Variants in DLG2 observed in about 807,000 individuals in gnomAD.
DLG2 encodes the protein disks large homolog 2.
In DLG2, 45 loss-of-function variants were observed where a neutral mutation model predicts 132.5. That is an observed-to-expected ratio of 0.34 (90% CI 0.27 to 0.44). DLG2 has a LOEUF of 0.44. Ranked by LOEUF, DLG2 falls within the 20% of genes least tolerant of loss-of-function variation. The probability of loss-of-function intolerance (pLI) is 1.00; values close to 1 mark genes in which losing one functional copy is unlikely to be tolerated. For missense variants in DLG2, 1,045 were observed against 1,196.9 expected, an observed-to-expected ratio of 0.87 and a Z score of 1.87; for synonymous variants, 424 against 419.6, an observed-to-expected ratio of 1.01 and a Z score of -0.13.
rs114308811 is a variant in DLG2, at chr11:83,651,084, C to T, written c.1826-17759G>A. The stretch of plus-strand genomic sequence containing the variant: ...CTTTTATGTTTATTATACCTGTTTC[C>T]CCTGCCAGCCTAAAACTCTATGGAG... On this transcript the variant is annotated intron_variant, in intron 18 of 27. Transcript: ENST00000376104. Among the ~76,000 whole-genome samples, 647 of 151,874 alleles carry T rather than the reference C, an allele frequency of 4.3e-3. 5 individuals are homozygous for T. The highest frequency in any genetic ancestry group is 0.015 in the African/African-American group (627 of 41,370).
chr11:83,747,186 T>A (rs1164070785), intron 18 of DLG2, among the ~76,000 whole-genome samples: 3 of 152,182 alleles, frequency 2.0e-5, no homozygotes, highest in Non-Finnish European at 4.4e-5. Flanking sequence ...TCATACTTCA[T>A]GTGGAGAACT....
chr11:84,958,326 C>T (rs912997083), intron 6 of DLG2, among the ~76,000 whole-genome samples: 9 of 152,148 alleles, frequency 5.9e-5, no homozygotes, highest in Admixed American at 2.6e-4. Context: ...CCTCAAATTA[C>T]GTTCTATTGG....
rs2051424792 is a variant in DLG2, at chr11:83,823,399, G to A, written c.1722+10215C>T. 2.0e-5 allele frequency among the ~76,000 whole-genome samples: 3 copies of A among 152,228 alleles called. No homozygotes were observed. In the South Asian group the frequency reaches 6.2e-4, roughly 32 times the overall value. ...TAAACATATTTTAAATGATCATCAAGTATTTAGCATTTAATATGTAATAGA... is the reference window on the plus strand; with the variant it reads ...TAAACATATTTTAAATGATCATCAAATATTTAGCATTTAATATGTAATAGA... On this transcript the variant is annotated intron_variant, in intron 17 of 27. Transcript: ENST00000376104.
chr11:85,493,379 C>T lies in DLG2; in HGVS notation c.40+105278G>A, dbSNP rs1041356080. Among the ~76,000 whole-genome samples, 5 of 152,148 alleles carry T rather than the reference C, an allele frequency of 3.3e-5. No individual in the cohort carries two copies. The East Asian group carries it at 5.8e-4, about 18-fold the overall frequency. On this transcript the variant is annotated intron_variant, in intron 3 of 27. Coordinates refer to ENST00000376104, the MANE Select transcript of DLG2 (RefSeq NM_001142699.3). ...TCCAAGATCTTTTCAAGCCTTACTC[C>T]TCATTTCACTAAGTCTCTGCTTAAA... is the stretch of plus-strand genomic sequence containing the variant.
intron 6 of DLG2, among the ~76,000 whole-genome samples, chr11:84,843,088 G>C (rs988768926): frequency 1.3e-5 from 2 of 151,862 alleles, no homozygotes; most frequent in Non-Finnish European, 2.9e-5. Context: ...TAACCATATA[G>C]TATTGTGCAC....
intron 18 of DLG2, among the ~76,000 whole-genome samples, chr11:83,698,251 T>C (rs894399350): frequency 1.1e-4 from 17 of 152,208 alleles, no homozygotes; most frequent in African/African-American, 3.9e-4. Context: ...CTTTCCAAAA[T>C]TGGCTAAAAA....
At chr11:85,579,088 G>A (rs2078346086) in intron 3 of DLG2, among the ~76,000 whole-genome samples, 1 of 152,230 alleles carries the variant, frequency 6.6e-6, no homozygotes, top group Admixed American at 6.5e-5. Flanking sequence ...GCAGGAACAT[G>A]GATGGAGCAC....
intron 6 of DLG2, among the ~76,000 whole-genome samples, chr11:84,827,051 G>A (rs2078412725): frequency 6.6e-6 from 1 of 151,718 alleles, no homozygotes; most frequent in South Asian, 2.1e-4. Context: ...ACTGTGGTGT[G>A]GTACGGCCTC....
intron 7 of DLG2, among the ~76,000 whole-genome samples, chr11:84,483,397 C>T (rs2154493944): frequency 6.8e-6 from 1 of 146,538 alleles, no homozygotes; most frequent in South Asian, 2.2e-4. Flanking sequence ...TGCCATTGCA[C>T]TCCAGCCTGT....
intron 14 of DLG2, among the ~76,000 whole-genome samples, chr11:83,935,753 A>G (rs865786132): frequency 2.6e-5 from 4 of 152,196 alleles, no homozygotes. Context: ...TTTTCTGTTT[A>G]CCAGAAAAAT....
chr11:85,080,133 G>A (rs966817913), intron 6 of DLG2, among the ~76,000 whole-genome samples: 1 of 152,014 alleles, frequency 6.6e-6, no homozygotes, highest in Non-Finnish European at 1.5e-5. Context: ...AATCTCACAT[G>A]CCCACCTGTT....
intron 3 of DLG2, among the ~76,000 whole-genome samples, chr11:85,485,262 T>G (rs1191671565): frequency 2.0e-5 from 3 of 151,804 alleles, no homozygotes; most frequent in Non-Finnish European, 4.4e-5. Flanking sequence ...AGATGACGAG[T>G]TAGTGGGTGC....
chr11:83,628,862 G>A (rs2063077336), intron 19 of DLG2, among the ~76,000 whole-genome samples: 1 of 152,096 alleles, frequency 6.6e-6, no homozygotes, highest in African/African-American at 2.4e-5. Context: ...ATTAAATCAA[G>A]TTAATGAGCT....
intron 6 of DLG2, among the ~76,000 whole-genome samples, chr11:84,577,436 T>A (rs1319380143): frequency 6.6e-6 from 1 of 152,152 alleles, no homozygotes; most frequent in African/African-American, 2.4e-5. Flanking sequence ...GATAGATATA[T>A]GGACAATAAG....
intron 6 of DLG2, among the ~76,000 whole-genome samples, chr11:84,672,341 C>T (rs535275332): frequency 2.3e-4 from 35 of 152,066 alleles, no homozygotes; most frequent in African/African-American, 7.0e-4. Context: ...AGGTAGGGTA[C>T]GTAGAAGCAT....
chr11:84,286,324 A>G (rs980164714), intron 7 of DLG2, among the ~76,000 whole-genome samples: 41 of 152,286 alleles, frequency 2.7e-4, no homozygotes, highest in African/African-American at 9.6e-4. Context: ...AGAGGTGGTT[A>G]GGGCTTCTCA....
intron 6 of DLG2, among the ~76,000 whole-genome samples, chr11:84,721,546 C>CA (rs5793137): frequency 0.022 from 3,033 of 137,344 alleles, 37 homozygotes; most frequent in East Asian, 0.072. Context: ...GCAGAAAGAC[C>CA]AAAAAAAAAA....
chr11:84,823,430 C>T (rs1475840216), intron 6 of DLG2, among the ~76,000 whole-genome samples: 1 of 151,774 alleles, frequency 6.6e-6, no homozygotes, highest in East Asian at 1.9e-4. Context: ...CAAACATACT[C>T]CAGCCTCTAA....
intron 3 of DLG2, among the ~76,000 whole-genome samples, chr11:85,306,030 T>C (rs2079920987): frequency 6.6e-6 from 1 of 152,216 alleles, no homozygotes; most frequent in Non-Finnish European, 1.5e-5. Context: ...ACTAGCTGTG[T>C]AACTGTGGAC....
Sources: allele counts gnomAD v4.1 joint callset (sites outside exome capture counted in the v4.1 genomes callset), GRCh38; gene constraint gnomAD v4.1.1; transcripts MANE v1.5; gene names NCBI Gene and HGNC (gene_info 2026-07-23, HGNC 2026-07-21).